Variants in PLXDC2 observed in about 807,000 individuals in gnomAD.
The protein encoded by PLXDC2 is plexin domain-containing protein 2.
A neutral mutation model predicts 68.9 loss-of-function variants in PLXDC2; 40 were observed. The ratio of observed to expected loss-of-function variants is 0.58; its 90% confidence interval spans 0.45 to 0.76. The LOEUF (loss-of-function observed/expected upper bound fraction) is 0.76. Among genes scored for constraint, PLXDC2 ranks in the 30% least tolerant of loss-of-function variants. The probability of loss-of-function intolerance (pLI) is 0.00; values close to 1 mark genes in which losing one functional copy is unlikely to be tolerated. For missense variants in PLXDC2, 644 were observed against 661.9 expected, an observed-to-expected ratio of 0.97 and a Z score of 0.30; for synonymous variants, 243 against 234.2, an observed-to-expected ratio of 1.04 and a Z score of -0.34.
At chr10:19,946,306 C>G (rs956363345) in intron 1 of PLXDC2, among the ~76,000 whole-genome samples, 1 of 151,918 alleles carries the variant, frequency 6.6e-6, no homozygotes, top group Non-Finnish European at 1.5e-5. Flanking sequence ...ATTCAATACT[C>G]TCTATAACTT....
intron 1 of PLXDC2, among the ~76,000 whole-genome samples, chr10:19,817,474 G>C (rs957953771): frequency 6.6e-6 from 1 of 152,182 alleles, no homozygotes; most frequent in Non-Finnish European, 1.5e-5. Flanking sequence ...GCTTCAGTGT[G>C]AGAGCAAAGC....
chr10:19,881,041 C>A (rs552085332), intron 1 of PLXDC2, among the ~76,000 whole-genome samples: 1 of 152,070 alleles, frequency 6.6e-6, no homozygotes, highest in Non-Finnish European at 1.5e-5. Flanking sequence ...CATCTTTGAA[C>A]GAGTTGAGGG....
intron 1 of PLXDC2, among the ~76,000 whole-genome samples, chr10:19,974,008 G>A (rs1000013598): frequency 6.6e-5 from 10 of 152,106 alleles, no homozygotes; most frequent in East Asian, 3.9e-4. Context: ...CTTTGATTAC[G>A]CTAAAAAGTA....
intron 4 of PLXDC2, among the ~76,000 whole-genome samples, chr10:20,074,054 G>A (rs888079978): frequency 1.1e-4 from 16 of 152,086 alleles, no homozygotes; most frequent in Admixed American, 6.5e-4. Flanking sequence ...GCCCCAGAAT[G>A]TAAGTATGTA....
At chr10:20,235,036 T>A (rs534747590) in intron 12 of PLXDC2, among the ~76,000 whole-genome samples, 1 of 152,352 alleles carries the variant, frequency 6.6e-6, no homozygotes, top group South Asian at 2.1e-4. Context: ...CTTATTTAGA[T>A]AGGCTACTAG....
At chr10:20,113,495 C>T (rs1184386806) in intron 4 of PLXDC2, among the ~76,000 whole-genome samples, 8 of 152,166 alleles carry the variant, frequency 5.3e-5, no homozygotes, top group Non-Finnish European at 1.5e-5. Context: ...TCTGCCCACT[C>T]CACTCCTAAT....
intron 1 of PLXDC2, among the ~76,000 whole-genome samples, chr10:19,831,190 G>A (rs780279779): frequency 6.6e-6 from 1 of 152,124 alleles, no homozygotes; most frequent in Non-Finnish European, 1.5e-5. Flanking sequence ...GTCATAAGCT[G>A]TGACTGTGAT....
At chr10:20,140,441 C>CTTT (rs55757049) in intron 4 of PLXDC2, among the ~76,000 whole-genome samples, 1 of 148,740 alleles carries the variant, frequency 6.7e-6, no homozygotes, top group African/African-American at 2.5e-5. Context: ...ATCTATCTAT[C>CTTT]CGTCTAATCT....
intron 1 of PLXDC2, among the ~76,000 whole-genome samples, chr10:19,863,054 T>C (rs1837345003): frequency 6.6e-6 from 1 of 152,178 alleles, no homozygotes. Flanking sequence ...TGTGCTATTA[T>C]TTTTAGAGGG....
intron 1 of PLXDC2, among the ~76,000 whole-genome samples, chr10:19,968,447 G>A (rs550094787): frequency 1.2e-3 from 176 of 152,018 alleles, no homozygotes; most frequent in Non-Finnish European, 2.0e-3. Context: ...TGAGTCGCTG[G>A]GACTACAGGC....
chr10:19,912,243 T>A (rs1421976430), intron 1 of PLXDC2, among the ~76,000 whole-genome samples: 1 of 152,206 alleles, frequency 6.6e-6, no homozygotes, highest in East Asian at 1.9e-4. Flanking sequence ...CCAGTTGATA[T>A]TTTAAAAAGA....
At chr10:20,175,208 G>A (rs1834509990) in intron 7 of PLXDC2, among the ~76,000 whole-genome samples, 1 of 152,130 alleles carries the variant, frequency 6.6e-6, no homozygotes, top group Admixed American at 6.5e-5. Context: ...GGACTGTCTA[G>A]CAATATTCCT....
At chr10:19,908,464 A>G (rs1446935579) in intron 1 of PLXDC2, among the ~76,000 whole-genome samples, 2 of 152,300 alleles carry the variant, frequency 1.3e-5, no homozygotes, top group East Asian at 1.9e-4. Context: ...GTTTATATCT[A>G]AAAGAGAGGG....
Position 20,288,238 on chromosome 10 carries a change from G to T in PLXDC2, c.*8419G>T, listed in dbSNP as rs2119412349. 1 of 152,218 alleles carries T rather than the reference G, an allele frequency of 6.6e-6. No individual in the cohort carries two copies. Among genetic ancestry groups the T allele is most frequent in the African/African-American group, 2.4e-5 (1 of 41,526 alleles). The allele number at this position is 152,218 out of a possible 1,614,324, so 9.4% of individuals were successfully genotyped here. ...CTCACTGTTTTGGAAAGCCCTGTGT[G>T]CCAAACCAAGGACGTGTCTTTCAGG... On this transcript the variant is annotated 3_prime_UTR_variant, in exon 14 of 14. Coordinates refer to ENST00000377252, the MANE Select transcript of PLXDC2 (RefSeq NM_032812.9).
chr10:20,191,457 T>G (rs1364504359), intron 9 of PLXDC2, among the ~76,000 whole-genome samples: 1 of 151,914 alleles, frequency 6.6e-6, no homozygotes. Flanking sequence ...ATTTCTAAAA[T>G]AATGTCTTCT....
chr10:20,129,666 G>A (rs1460245668), intron 4 of PLXDC2, among the ~76,000 whole-genome samples: 2 of 151,892 alleles, frequency 1.3e-5, no homozygotes, highest in Non-Finnish European at 2.9e-5. Context: ...TAAGCCTTTA[G>A]TCTACTTTGA....
At chr10:20,135,617 A>T (rs926054736) in intron 4 of PLXDC2, among the ~76,000 whole-genome samples, 4 of 152,160 alleles carry the variant, frequency 2.6e-5, no homozygotes, top group African/African-American at 9.7e-5. Flanking sequence ...TCCCCTCTTC[A>T]TATACACATT....
chr10:20,038,016 G>A (rs1307987548), intron 2 of PLXDC2, among the ~76,000 whole-genome samples: 6 of 152,042 alleles, frequency 3.9e-5, no homozygotes, highest in East Asian at 1.9e-4. Flanking sequence ...AGGCTGAGGC[G>A]GGCGGATGAC....
chr10:20,267,171 G>C (rs1835882685), intron 13 of PLXDC2, among the ~76,000 whole-genome samples: 1 of 152,100 alleles, frequency 6.6e-6, no homozygotes, highest in African/African-American at 2.4e-5. Context: ...TTCACAGTAT[G>C]ATTTAAATGC....
Sources: allele counts gnomAD v4.1 joint callset (sites outside exome capture counted in the v4.1 genomes callset), GRCh38; gene constraint gnomAD v4.1.1; transcripts MANE v1.5; gene names NCBI Gene and HGNC (gene_info 2026-07-23, HGNC 2026-07-21).